Variants in PCNX1 observed in about 807,000 individuals in gnomAD.
The protein encoded by PCNX1 is pecanex 1.
In PCNX1, 78 loss-of-function variants were observed where a neutral mutation model predicts 242.2. The ratio of observed to expected loss-of-function variants is 0.32; its 90% CI spans 0.27 to 0.39. PCNX1 has a LOEUF of 0.39. Among genes scored for constraint, PCNX1 ranks in the 10% least tolerant of loss-of-function variants. PCNX1 has a pLI of 1.00. For synonymous variants in PCNX1, 1,024 were observed against 1,032.9 expected (o/e 0.99, Z 0.17); for missense variants, 2,581 against 2,856.5 (o/e 0.90, Z 2.20).
chr14:71,029,792 A>G (rs1362760387), intron 16 of PCNX1, among the ~76,000 whole-genome samples: 1 of 152,236 alleles, frequency 6.6e-6, no homozygotes, highest in Non-Finnish European at 1.5e-5. Context: ...AGGTTTGGGT[A>G]CATGAGGAAA....
intron 8 of PCNX1, among the ~76,000 whole-genome samples, chr14:70,999,460 G>A (rs762922690): frequency 6.6e-6 from 1 of 152,148 alleles, no homozygotes; most frequent in Non-Finnish European, 1.5e-5. Flanking sequence ...GACAAGAAAT[G>A]AGGACAAGAG....
chr14:70,990,748 A>C (rs1234795235), intron 7 of PCNX1, among the ~76,000 whole-genome samples: 1 of 152,178 alleles, frequency 6.6e-6, no homozygotes, highest in Non-Finnish European at 1.5e-5. Context: ...TGTTTTTGTG[A>C]GCCTTCCTGT....
chr14:71,091,432 A>G (rs1358733168), intron 30 of PCNX1, among the ~76,000 whole-genome samples: 3 of 152,364 alleles, frequency 2.0e-5, no homozygotes, highest in South Asian at 4.1e-4. Flanking sequence ...TTAAAGTACA[A>G]TTGATTCTTG....
At position 71,105,405 on chromosome 14, in the gene PCNX1, T is replaced by G. The variant is rs141389562; in HGVS notation, c.6266T>G (p.Leu2089Arg). The change falls in exon 33 of 36, where the codon CTC (leucine) becomes CGC (arginine). Residue 2089 changes from leucine to arginine, a missense_variant. By Grantham distance (102) the Leu-to-Arg change is moderately radical. Coordinates refer to ENST00000304743, the MANE Select transcript of PCNX1 (RefSeq NM_014982.3). Reference sequence around the variant, plus strand: ...CCTGGGCAGGGATCAGGAACTGGACTCCACCCACCTGTCACATCTTATCCT... The same window carrying G: ...CCTGGGCAGGGATCAGGAACTGGACGCCACCCACCTGTCACATCTTATCCT... The part of the protein sequence containing the change: ...GNPGQGSGTG[L>R]HPPVTSYPPT... 176 of 1,613,932 alleles carry G rather than the reference T, an allele frequency of 1.1e-4. No individual in the cohort carries two copies. Among genetic ancestry groups the G allele is most frequent in the Non-Finnish European group, 1.4e-4 (170 of 1,179,942 alleles).
intron 16 of PCNX1, among the ~76,000 whole-genome samples, chr14:71,031,476 C>G (rs2060382320): frequency 6.6e-6 from 1 of 152,200 alleles, no homozygotes; most frequent in Admixed American, 6.5e-5. Context: ...TCCTGCCCTC[C>G]CATTCTCCCG....
chr14:71,101,930 GT>G (rs2062473611), intron 30 of PCNX1, 59 bp from the exon 31 acceptor site: 1 of 912,466 alleles, frequency 1.1e-6, no homozygotes, highest in East Asian at 2.7e-5. Flanking sequence ...CTTAGTAACT[GT>G]AGAAGTTATC....
At chr14:70,908,705 TG>T (rs34108167) in intron 1 of PCNX1, among the ~76,000 whole-genome samples, 15,672 of 152,204 alleles carry the variant, frequency 0.1, 948 homozygotes, top group Admixed American at 0.17. Flanking sequence ...CTGGCCTCCC[TG>T]GGGGGAGGGA....
chr14:71,013,499 G>A (rs559526077), intron 11 of PCNX1, among the ~76,000 whole-genome samples: 1 of 151,908 alleles, frequency 6.6e-6, no homozygotes, highest in South Asian at 2.1e-4. Context: ...TGATCTTTAA[G>A]TTATAGGTAA....
At chr14:70,942,241 A>C (rs147747348) in intron 1 of PCNX1, among the ~76,000 whole-genome samples, 1 of 152,156 alleles carries the variant, frequency 6.6e-6, no homozygotes, top group Non-Finnish European at 1.5e-5. Flanking sequence ...AGCTTTTCCT[A>C]TTCGGCCATC....
chr14:71,108,867 G>C lies in PCNX1; in HGVS notation c.6565G>C (p.Gly2189Arg). 6.2e-7 allele frequency: 1 copy of C among 1,614,198 alleles called. No homozygotes were observed. Among genetic ancestry groups the C allele is most frequent in the Non-Finnish European group, 8.5e-7 (1 of 1,180,044 alleles). Residue 2189 changes from glycine (G) to arginine (R), a missense_variant, in exon 34 of 36, where the codon GGC (glycine) becomes CGC (arginine). Gly to Arg is a moderately radical substitution (Grantham distance 125). Around this residue, in one of 9 missense-constraint regions of PCNX1, gnomAD observed 432 missense variants for 433.6 expected, o/e 1.00. Coordinates refer to ENST00000304743, the MANE Select transcript of PCNX1 (RefSeq NM_014982.3). ...GAGCGGCCTGGCCTGTGTGCAGCACGGCCTGCCTTCCTCCAGCAGCTCCAG... is the reference window on the plus strand; with the variant it reads ...GAGCGGCCTGGCCTGTGTGCAGCACCGCCTGCCTTCCTCCAGCAGCTCCAG... ...GQSGLACVQH[G>R]LPSSSSSSQS...
At chr14:71,022,024 C>G (rs2060116750) in intron 12 of PCNX1, among the ~76,000 whole-genome samples, 1 of 152,124 alleles carries the variant, frequency 6.6e-6, no homozygotes, top group Non-Finnish European at 1.5e-5. Context: ...TCCTGTGTAT[C>G]TAACAGACAT....
In PCNX1 at chr14:71,073,655, G is replaced by A. The variant is rs755035375; in HGVS notation, c.4963G>A (p.Ala1655Thr). The change falls in exon 27 of 36, where the codon GCT (alanine) becomes ACT (threonine). Residue 1655 changes from alanine (A) to threonine (T), a missense_variant. Transcript: ENST00000304743. ...TATTCCTCACATGCTTTCATTTAAT[G>A]CTGCATTTAGCCAGCGATGGCTAGC... ...GHIPHMLSFN[A>T]AFSQRWLAWE... 1.2e-6 allele frequency: 2 copies of A among 1,614,052 alleles called. No individual in the cohort carries two copies. Among genetic ancestry groups the A allele is most frequent in the Admixed American group, 3.3e-5 (2 of 60,006 alleles).
intron 2 of PCNX1, among the ~76,000 whole-genome samples, chr14:70,957,810 A>ATG (rs1306403904): frequency 2.0e-5 from 3 of 150,154 alleles, no homozygotes; most frequent in African/African-American, 4.8e-5. Flanking sequence ...GTGTATGTAT[A>ATG]TGTGTGTGTG....
At chr14:70,960,067 T>G (rs1206636641) in intron 2 of PCNX1, among the ~76,000 whole-genome samples, 11 of 95,892 alleles carry the variant, frequency 1.1e-4, no homozygotes, top group Non-Finnish European at 1.9e-4. Flanking sequence ...GCCCACTTTT[T>G]GATGGGGTTG....
In PCNX1 at chr14:70,978,434, A is replaced by T; in HGVS notation, c.2097A>T (p.Ala699=). The T allele has an allele frequency of 6.2e-7, 1 of 1,614,176 alleles. No homozygotes were observed. The highest frequency in any genetic ancestry group is 8.5e-7 in the Non-Finnish European group (1 of 1,179,976). ...TGAGCCTGGACAGTGGCACAGTAGC[A>T]TGTTTGAATGACTCAAACAGGTTAA... ...RVLSLDSGTV[A]CLNDSNRLMA... is the part of the protein sequence containing the mutation. Residue 699 remains alanine (A), a synonymous_variant, in exon 6 of 36, where the codon GCA becomes GCT. Coordinates refer to ENST00000304743, the MANE Select transcript of PCNX1 (RefSeq NM_014982.3).
At chr14:70,969,325 A>G (rs2058472050) in intron 5 of PCNX1, 1 of 448,400 alleles carries the variant, frequency 2.2e-6, no homozygotes, top group East Asian at 4.2e-5. Flanking sequence ...CCAGATAAAC[A>G]TGGAGAGAGA....
At chr14:70,956,135 A>G (rs1339326652) in intron 2 of PCNX1, among the ~76,000 whole-genome samples, 1 of 152,200 alleles carries the variant, frequency 6.6e-6, no homozygotes, top group Non-Finnish European at 1.5e-5. Context: ...ATTTGCCCCC[A>G]AAATGTCAAT....
chr14:71,083,696 A>G (rs950917845), intron 28 of PCNX1, among the ~76,000 whole-genome samples: 1 of 152,004 alleles, frequency 6.6e-6, no homozygotes, highest in African/African-American at 2.4e-5. Flanking sequence ...TTTCAGCTCC[A>G]TCAGGTCATT....
intron 1 of PCNX1, among the ~76,000 whole-genome samples, chr14:70,944,229 A>G (rs1322919073): frequency 6.6e-6 from 1 of 152,204 alleles, no homozygotes; most frequent in Non-Finnish European, 1.5e-5. Flanking sequence ...ACTCAGTGCA[A>G]GCCCATGTGC....
Sources: gnomAD v4.1 joint callset for allele counts (sites outside exome capture counted in the v4.1 genomes callset) on GRCh38, gnomAD v4.1.1 for gene constraint, gnomAD v4.1.1 regional missense constraint, MANE v1.5 for transcripts, NCBI Gene and HGNC (gene_info 2026-07-23, HGNC 2026-07-21) for gene names.